MARCHF1: variants seen among roughly 807,000 people sequenced by gnomAD.
MARCHF1 encodes E3 ubiquitin-protein ligase MARCHF1.
A neutral mutation model predicts 54.2 loss-of-function variants in MARCHF1; 40 were observed. That is an observed-to-expected ratio of 0.74 (90% CI 0.57 to 0.96). The LOEUF is 0.96. MARCHF1 is among the 40% of genes least tolerant of loss of function. The pLI is 0.00. For missense variants in MARCHF1, 586 were observed against 656.5 expected (o/e 0.89, Z 1.17); for synonymous variants, 236 against 236.3 (o/e 1.00, Z 0.01).
intron 7 of MARCHF1, among the ~76,000 whole-genome samples, chr4:163,592,437 G>C (rs761785384): frequency 9.2e-5 from 14 of 151,912 alleles, no homozygotes; most frequent in Non-Finnish European, 1.6e-4. Context: ...CAACAACAAA[G>C]ACAATGACAT....
chr4:163,556,778 A>C (rs1440093046), intron 8 of MARCHF1, among the ~76,000 whole-genome samples: 2 of 152,156 alleles, frequency 1.3e-5, no homozygotes, highest in South Asian at 2.1e-4. Context: ...TTTTATCAGT[A>C]CTTTGATATC....
intron 4 of MARCHF1, among the ~76,000 whole-genome samples, chr4:163,850,080 C>T (rs983021186): frequency 1.3e-5 from 2 of 152,182 alleles, no homozygotes; most frequent in Non-Finnish European, 2.9e-5. Flanking sequence ...TCTTGTTTAT[C>T]CTGTTTCTGT....
At chr4:163,678,386 G>T (rs184427060) in intron 5 of MARCHF1, among the ~76,000 whole-genome samples, 1 of 152,074 alleles carries the variant, frequency 6.6e-6, no homozygotes, top group East Asian at 1.9e-4. Flanking sequence ...TTCATTAGAG[G>T]AGCACTTTAA....
At chr4:163,673,035 C>T (rs990882687) in intron 5 of MARCHF1, among the ~76,000 whole-genome samples, 1 of 152,298 alleles carries the variant, frequency 6.6e-6, no homozygotes, top group East Asian at 1.9e-4. Context: ...TTCTTAATCA[C>T]ATCTGCAAAT....
intron 5 of MARCHF1, among the ~76,000 whole-genome samples, chr4:163,616,409 G>A (rs1347640565): frequency 6.6e-6 from 1 of 152,082 alleles, no homozygotes; most frequent in Non-Finnish European, 1.5e-5. Context: ...CTTAACAGCA[G>A]TAATAAGAAT....
chr4:164,034,263 T>C (rs1361910459), intron 2 of MARCHF1, among the ~76,000 whole-genome samples: 1 of 152,016 alleles, frequency 6.6e-6, no homozygotes, highest in Non-Finnish European at 1.5e-5. Flanking sequence ...TTCTCACTCA[T>C]AAGTGGAAGT....
chr4:164,287,039 A>G (rs1734167513), intron 1 of MARCHF1, among the ~76,000 whole-genome samples: 1 of 149,452 alleles, frequency 6.7e-6, no homozygotes, highest in Non-Finnish European at 1.5e-5. Flanking sequence ...GGTGCAAAGG[A>G]TTGAGAAAAA....
chr4:163,896,919 A>G (rs996478130), intron 3 of MARCHF1, among the ~76,000 whole-genome samples: 21 of 152,198 alleles, frequency 1.4e-4, no homozygotes, highest in African/African-American at 5.1e-4. Flanking sequence ...AAACCACAGT[A>G]TCTATATTAA....
At chr4:163,602,250 T>A (rs1269577680) in intron 7 of MARCHF1, among the ~76,000 whole-genome samples, 1 of 152,122 alleles carries the variant, frequency 6.6e-6, no homozygotes, top group African/African-American at 2.4e-5. Context: ...GAGAAATGCT[T>A]ACTCTGTAAA....
chr4:164,262,778 G>A (rs1343291598), intron 1 of MARCHF1, among the ~76,000 whole-genome samples: 1 of 152,096 alleles, frequency 6.6e-6, no homozygotes, highest in Non-Finnish European at 1.5e-5. Flanking sequence ...ATCCACTTTA[G>A]ATATTGACAC....
chr4:164,152,912 G>A (rs1319197531), intron 1 of MARCHF1, among the ~76,000 whole-genome samples: 4 of 150,836 alleles, frequency 2.7e-5, no homozygotes, highest in African/African-American at 4.9e-5. Context: ...GAGTCGTTCC[G>A]CCTTCCCAAA....
chr4:164,050,692 G>A (rs1754345627), intron 2 of MARCHF1, among the ~76,000 whole-genome samples: 1 of 152,108 alleles, frequency 6.6e-6, no homozygotes, highest in African/African-American at 2.4e-5. Flanking sequence ...CCGCAAGTTG[G>A]GAGGCTAAGG....
intron 5 of MARCHF1, among the ~76,000 whole-genome samples, chr4:163,656,972 A>G (rs1743167947): frequency 6.6e-6 from 1 of 152,146 alleles, no homozygotes; most frequent in African/African-American, 2.4e-5. Flanking sequence ...AAATGCTGGA[A>G]GCATTCCATT....
chr4:163,747,280 C>G (rs1746390512), intron 4 of MARCHF1, among the ~76,000 whole-genome samples: 1 of 152,172 alleles, frequency 6.6e-6, no homozygotes, highest in East Asian at 1.9e-4. Context: ...CAAAATACCT[C>G]AAGCTGAGAA....
chr4:163,953,433 A>T (rs559387007), intron 3 of MARCHF1, among the ~76,000 whole-genome samples: 1 of 152,346 alleles, frequency 6.6e-6, no homozygotes, highest in South Asian at 2.1e-4. Flanking sequence ...GATGAAATAT[A>T]TAAAATGCTG....
chr4:163,858,618 C>T (rs1322712044), intron 3 of MARCHF1, among the ~76,000 whole-genome samples: 1 of 152,074 alleles, frequency 6.6e-6, no homozygotes, highest in East Asian at 1.9e-4. Context: ...TAGCCCATCA[C>T]CTAAATAATA....
chr4:164,146,484 A>T (rs1464837042), intron 1 of MARCHF1, among the ~76,000 whole-genome samples: 1 of 152,218 alleles, frequency 6.6e-6, no homozygotes, highest in African/African-American at 2.4e-5. Flanking sequence ...GATATAGATC[A>T]ATGGATCAGA....
chr4:164,163,026 A>G (rs1365541928), intron 1 of MARCHF1, among the ~76,000 whole-genome samples: 2 of 152,124 alleles, frequency 1.3e-5, no homozygotes, highest in Non-Finnish European at 2.9e-5. Context: ...TTCTACACTC[A>G]GTGAAAATAT....
chr4:164,139,563 T>C (rs919181488), intron 1 of MARCHF1, among the ~76,000 whole-genome samples: 1 of 150,790 alleles, frequency 6.6e-6, no homozygotes, highest in African/African-American at 2.4e-5. Context: ...ACAAAGGGGC[T>C]GGGAAAGTAC....
Sources: allele counts gnomAD v4.1 joint callset (sites outside exome capture counted in the v4.1 genomes callset), GRCh38; gene constraint gnomAD v4.1.1; transcripts MANE v1.5; gene names NCBI Gene and HGNC (gene_info 2026-07-23, HGNC 2026-07-21).